Variants in CTIF observed in about 807,000 individuals in gnomAD.
The protein encoded by CTIF is cap binding complex dependent translation initiation factor, also known as CBP80/20-dependent translation initiation factor.
A neutral mutation model predicts 66.0 loss-of-function variants in CTIF; 21 were observed. That is an observed-to-expected ratio of 0.32 (90% CI 0.23 to 0.46). The LOEUF is 0.46. Among genes scored for constraint, CTIF ranks in the 20% least tolerant of loss-of-function variants. The pLI, the probability that CTIF is intolerant of heterozygous loss-of-function variation, is 1.00. For synonymous variants in CTIF, 345 were observed against 326.4 expected (o/e 1.06, Z -0.62); for missense variants, 739 against 812.7 (o/e 0.91, Z 1.10).
At position 48,557,944 on chromosome 18, in the gene CTIF, C is replaced by T. The variant is rs575158733; in HGVS notation, c.-29+18632C>T. ...ACCCTTTATGACCTCCTTAAAGGCC[C>T]TGTTTCCAAACATATTTATGCTGGG... On this transcript the variant is annotated intron_variant, in intron 1 of 11. Coordinates refer to ENST00000256413, the MANE Select transcript of CTIF (RefSeq NM_014772.3). 9.6e-4 allele frequency among the ~76,000 whole-genome samples: 146 copies of T among 152,374 alleles called. No homozygotes were observed. The South Asian group carries it at 0.011, about 11-fold the overall frequency.
intron 9 of CTIF, among the ~76,000 whole-genome samples, chr18:48,764,101 T>C (rs1375021973): frequency 1.3e-5 from 2 of 152,090 alleles, no homozygotes; most frequent in African/African-American, 4.8e-5. Context: ...TGTCCCACTC[T>C]GAGCATGCAC....
At chr18:48,582,668 G>A (rs1474466815) in intron 1 of CTIF, among the ~76,000 whole-genome samples, 5 of 152,140 alleles carry the variant, frequency 3.3e-5, no homozygotes, top group South Asian at 4.1e-4. Flanking sequence ...AGGTGGTGGT[G>A]GGAGTGCTTG....
chr18:48,625,972 A>T, intron 2 of CTIF, among the ~76,000 whole-genome samples: 1 of 147,490 alleles, frequency 6.8e-6, no homozygotes, highest in African/African-American at 2.5e-5. Context: ...TGTCATTTTA[A>T]TTCACATTGT....
At chr18:48,585,658 C>T (rs1281284819) in intron 1 of CTIF, among the ~76,000 whole-genome samples, 1 of 152,168 alleles carries the variant, frequency 6.6e-6, no homozygotes, top group Non-Finnish European at 1.5e-5. Flanking sequence ...AAGCTGTGGA[C>T]AGGGACACTT....
At chr18:48,815,064 A>G (rs12456401) in intron 9 of CTIF, among the ~76,000 whole-genome samples, 18,034 of 152,156 alleles carry the variant, frequency 0.12, 1,246 homozygotes, top group Admixed American at 0.17. Context: ...CTGATGCACT[A>G]CTTTCCAATT....
chr18:48,860,170 G>A lies in CTIF; in HGVS notation c.*611G>A, dbSNP rs1430143262. The A allele has an allele frequency of 8.4e-6, 3 of 356,390 alleles. No individual in the cohort carries two copies. The highest frequency in any genetic ancestry group is 1.5e-4 in the East Asian group (2 of 13,474). 22.1% of individuals were successfully genotyped at this position (356,390 alleles called of 1,614,324 possible). On this transcript the variant is annotated 3_prime_UTR_variant, in exon 12 of 12. Coordinates refer to ENST00000256413, the MANE Select transcript of CTIF (RefSeq NM_014772.3). ...CTCCCACCTCCAAGTCCTCCTCACT[G>A]CAGCCCCCACAGCCTCAGGCCTAGG...
chr18:48,770,960 C>A (rs544163789), intron 9 of CTIF, among the ~76,000 whole-genome samples: 1 of 152,264 alleles, frequency 6.6e-6, no homozygotes, highest in African/African-American at 2.4e-5. Flanking sequence ...TCCCAAAGAC[C>A]ACCCCATGCC....
chr18:48,819,726 G>A (rs147725465), intron 10 of CTIF, among the ~76,000 whole-genome samples: 1 of 152,328 alleles, frequency 6.6e-6, no homozygotes, highest in Non-Finnish European at 1.5e-5. Flanking sequence ...ATCACCTATG[G>A]TCTTCTCCAA....
intron 6 of CTIF, among the ~76,000 whole-genome samples, chr18:48,707,507 T>C (rs554653209): frequency 1.3e-5 from 2 of 152,112 alleles, no homozygotes; most frequent in African/African-American, 2.4e-5. Flanking sequence ...TTCATTTTGA[T>C]TGATCTTCTC....
chr18:48,823,465 C>T (rs577604694), intron 10 of CTIF, among the ~76,000 whole-genome samples: 5 of 152,236 alleles, frequency 3.3e-5, no homozygotes, highest in Admixed American at 1.3e-4. Flanking sequence ...GAAGATCAGT[C>T]GACTGTAAAT....
chr18:48,851,593 C>T (rs2069201351), intron 10 of CTIF, among the ~76,000 whole-genome samples: 1 of 152,146 alleles, frequency 6.6e-6, no homozygotes. Context: ...CTGGCAGGCA[C>T]AGGCAAGGGA....
chr18:48,795,272 C>G (rs762122273), intron 9 of CTIF, among the ~76,000 whole-genome samples: 1 of 152,176 alleles, frequency 6.6e-6, no homozygotes, highest in Admixed American at 6.5e-5. Flanking sequence ...ATTCTCCTCT[C>G]GCTCCCTAGA....
intron 7 of CTIF, 66 bp downstream of exon 7, chr18:48,711,761 A>G: frequency 7.3e-7 from 1 of 1,375,830 alleles, no homozygotes; most frequent in Non-Finnish European, 1.0e-6. Flanking sequence ...TAGCGACGTC[A>G]GCTTTGGCCT....
At chr18:48,608,384 C>G in intron 1 of CTIF, among the ~76,000 whole-genome samples, 1 of 152,010 alleles carries the variant, frequency 6.6e-6, no homozygotes, top group East Asian at 1.9e-4. Flanking sequence ...ACTGGCTAAC[C>G]AGAACACACC....
intron 1 of CTIF, among the ~76,000 whole-genome samples, chr18:48,615,102 C>T (rs898358122): frequency 1.3e-5 from 2 of 152,114 alleles, no homozygotes; most frequent in African/African-American, 4.8e-5. Context: ...TGCTATGTTG[C>T]CTAGGCTGGT....
intron 1 of CTIF, among the ~76,000 whole-genome samples, chr18:48,551,990 G>C (rs1384189285): frequency 6.6e-6 from 1 of 152,088 alleles, no homozygotes; most frequent in Non-Finnish European, 1.5e-5. Flanking sequence ...TTTTAGTAGA[G>C]ACGGGGTTTC....
intron 10 of CTIF, among the ~76,000 whole-genome samples, chr18:48,855,175 C>T (rs1228103790): frequency 6.6e-6 from 1 of 152,180 alleles, no homozygotes; most frequent in Non-Finnish European, 1.5e-5. Context: ...CGGCATCTCT[C>T]TACAGTGTGA....
At chr18:48,706,974 T>C (rs879780158) in intron 6 of CTIF, among the ~76,000 whole-genome samples, 15 of 152,186 alleles carry the variant, frequency 9.9e-5, no homozygotes, top group Non-Finnish European at 1.9e-4. Context: ...ATGGTTCTCA[T>C]GCAGAGAGGT....
chr18:48,764,243 C>T (rs182149875), intron 9 of CTIF, among the ~76,000 whole-genome samples: 95 of 152,346 alleles, frequency 6.2e-4, no homozygotes, highest in Non-Finnish European at 1.2e-3. Context: ...TCCTAGTATT[C>T]ACTGAGTATT....
Sources: allele counts gnomAD v4.1 joint callset (sites outside exome capture counted in the v4.1 genomes callset), GRCh38; gene constraint gnomAD v4.1.1; transcripts MANE v1.5; gene names NCBI Gene and HGNC (gene_info 2026-07-23, HGNC 2026-07-21).